LINGO2: variants seen among roughly 807,000 people sequenced by gnomAD.
LINGO2 encodes the protein leucine rich repeat and Ig domain containing 2.
LINGO2 carries 14 observed loss-of-function variants against 30.6 expected under a neutral mutation model. The ratio of observed to expected loss-of-function variants is 0.46; its 90% CI spans 0.30 to 0.72. The LOEUF is 0.72. Ranked by LOEUF, LINGO2 falls within the 30% of genes least tolerant of loss-of-function variation. The pLI, the probability that LINGO2 is intolerant of heterozygous loss-of-function variation, is 0.07. For missense variants in LINGO2, 729 were observed against 751.7 expected (o/e 0.97, Z 0.35); for synonymous variants, 317 against 288.5 (o/e 1.10, Z -1.00).
chr9:28,992,752 T>G, the LINGO2 span, among the ~76,000 whole-genome samples: 1 of 151,976 alleles, frequency 6.6e-6, no homozygotes, highest in Non-Finnish European at 1.5e-5. Context: ...AACAACCTGC[T>G]CCTGAGTGGC....
At chr9:28,172,012 G>C (rs1177568738) in intron 4 of LINGO2, among the ~76,000 whole-genome samples, 1 of 34,522 alleles carries the variant, frequency 2.9e-5, no homozygotes, top group Non-Finnish European at 4.6e-5. Context: ...GCAAGACTCC[G>C]TCTCAAAAAA....
the LINGO2 span, among the ~76,000 whole-genome samples, chr9:29,155,332 G>T: frequency 6.6e-6 from 1 of 151,994 alleles, no homozygotes; most frequent in Non-Finnish European, 1.5e-5. Context: ...ATTTTTTAAA[G>T]TAGGGGTGTT....
chr9:28,200,965 C>T (rs1820209242), intron 4 of LINGO2, among the ~76,000 whole-genome samples: 1 of 150,420 alleles, frequency 6.6e-6, no homozygotes, highest in Non-Finnish European at 1.5e-5. Context: ...GACCTGGTTA[C>T]TAACTTTAAT....
At chr9:28,428,780 CTT>C (rs764547446) in intron 2 of LINGO2, among the ~76,000 whole-genome samples, 3 of 152,098 alleles carry the variant, frequency 2.0e-5, no homozygotes, top group Non-Finnish European at 4.4e-5. Flanking sequence ...TTATGAATGA[CTT>C]TTGACAACTT....
chr9:28,806,903 T>C, the LINGO2 span, among the ~76,000 whole-genome samples: 4 of 152,048 alleles, frequency 2.6e-5, no homozygotes, highest in African/African-American at 7.2e-5. Context: ...TTCTAAGAAA[T>C]AGTCATATTA....
rs562016319 is a variant in LINGO2, at chr9:28,264,695, C to A, written c.-87+30513G>T. Reference sequence around the variant, plus strand: ...TAGCTCGGCCACACACACTGAGTACCTTTAGTAAGAACAGTGGTACAGCTC... The same window carrying A: ...TAGCTCGGCCACACACACTGAGTACATTTAGTAAGAACAGTGGTACAGCTC... On this transcript the variant is annotated intron_variant, in intron 4 of 5. Transcript: ENST00000379992. 4.6e-4 allele frequency among the ~76,000 whole-genome samples: 70 copies of A among 151,988 alleles called. 1 individual carries two copies. Among genetic ancestry groups the A allele is most frequent in the Non-Finnish European group, 7.5e-4 (51 of 67,900 alleles).
At chr9:28,278,697 T>G (rs1458971899) in intron 4 of LINGO2, among the ~76,000 whole-genome samples, 1 of 152,204 alleles carries the variant, frequency 6.6e-6, no homozygotes, top group Non-Finnish European at 1.5e-5. Flanking sequence ...AGTCAAATAG[T>G]CATCCAAGAG....
exon 6 of LINGO2, chr9:27,948,670 T>C: frequency 1.4e-6 from 1 of 690,268 alleles, no homozygotes; most frequent in Non-Finnish European, 2.5e-6. Flanking sequence ...CTCTGACACA[T>C]GCCTGCCTGC....
At chr9:28,894,159 C>T in the LINGO2 span, among the ~76,000 whole-genome samples, 2 of 151,978 alleles carry the variant, frequency 1.3e-5, no homozygotes, top group African/African-American at 2.4e-5. Flanking sequence ...CATTGTTGGA[C>T]ATTTGGGTTG....
chr9:28,612,847 G>A (rs777128154), intron 1 of LINGO2, among the ~76,000 whole-genome samples: 1 of 152,038 alleles, frequency 6.6e-6, no homozygotes, highest in Non-Finnish European at 1.5e-5. Context: ...GAGCCAGGGG[G>A]TGAAATGATA....
chr9:28,172,839 A>G (rs1828641579), intron 4 of LINGO2, among the ~76,000 whole-genome samples: 1 of 152,172 alleles, frequency 6.6e-6, no homozygotes, highest in Non-Finnish European at 1.5e-5. Context: ...AGGGAACAGA[A>G]TGCTGGTTGA....
the LINGO2 span, among the ~76,000 whole-genome samples, chr9:28,700,537 G>C: frequency 6.6e-6 from 1 of 152,056 alleles, no homozygotes; most frequent in East Asian, 1.9e-4. Flanking sequence ...TCCATACACT[G>C]AAGGACATTT....
the LINGO2 span, among the ~76,000 whole-genome samples, chr9:29,001,011 A>G: frequency 1.3e-5 from 2 of 152,016 alleles, no homozygotes; most frequent in Non-Finnish European, 2.9e-5. Context: ...AGCAGATCAT[A>G]CACACAAAGA....
the LINGO2 span, among the ~76,000 whole-genome samples, chr9:29,171,949 C>T: frequency 9.2e-5 from 14 of 151,660 alleles, no homozygotes; most frequent in Admixed American, 8.5e-4. Context: ...AATAAACATA[C>T]AAAAGTATAA....
At chr9:29,189,144 G>C in the LINGO2 span, among the ~76,000 whole-genome samples, 70 of 140,928 alleles carry the variant, frequency 5.0e-4, no homozygotes, top group African/African-American at 1.8e-3. Context: ...CGGGCGGGGG[G>C]CTGACCCCCC....
chr9:28,381,512 T>C (rs541180808), intron 2 of LINGO2, among the ~76,000 whole-genome samples: 1 of 152,232 alleles, frequency 6.6e-6, no homozygotes, highest in South Asian at 2.1e-4. Context: ...GTCTTTGTAA[T>C]TTAGGCTGGA....
At chr9:28,791,775 G>A in the LINGO2 span, among the ~76,000 whole-genome samples, 8 of 151,936 alleles carry the variant, frequency 5.3e-5, no homozygotes, top group African/African-American at 1.9e-4. Flanking sequence ...GCATCATTAA[G>A]TATGGAGATA....
chr9:28,326,327 T>C (rs138304094), intron 3 of LINGO2, among the ~76,000 whole-genome samples: 29 of 152,316 alleles, frequency 1.9e-4, no homozygotes, highest in African/African-American at 6.5e-4. Context: ...TATAATGCTG[T>C]AGATAAAGTG....
At chr9:28,097,359 C>G (rs1826274733) in intron 4 of LINGO2, among the ~76,000 whole-genome samples, 1 of 151,072 alleles carries the variant, frequency 6.6e-6, no homozygotes, top group Admixed American at 6.6e-5. Context: ...GACTACAAAT[C>G]ATGCTGCTAT....
Sources: allele counts gnomAD v4.1 joint callset (sites outside exome capture counted in the v4.1 genomes callset), GRCh38; gene constraint gnomAD v4.1.1; transcripts MANE v1.5; gene names NCBI Gene and HGNC (gene_info 2026-07-23, HGNC 2026-07-21).